IRAK4: variants seen among roughly 807,000 people sequenced by gnomAD.
The protein encoded by IRAK4 is interleukin-1 receptor-associated kinase 4.
A neutral mutation model predicts 51.8 loss-of-function variants in IRAK4; 44 were observed. The observed-to-expected ratio is 0.85, with a 90% confidence interval of 0.67 to 1.09. The LOEUF (loss-of-function observed/expected upper bound fraction) is 1.09. Ranked by LOEUF, IRAK4 falls within the 50% of genes least tolerant of loss-of-function variation. The pLI, the probability that IRAK4 is intolerant of heterozygous loss-of-function variation, is 0.00. For missense variants in IRAK4, 487 were observed against 538.0 expected, an observed-to-expected ratio of 0.91 and a Z score of 0.94; for synonymous variants, 149 against 174.1, an observed-to-expected ratio of 0.86 and a Z score of 1.13.
rs1034749271 is a variant in IRAK4, at chr12:43,787,033, G to C, written c.*318G>C. 3.1e-6 allele frequency: 1 copy of C among 321,464 alleles called. No individual in the cohort carries two copies. The highest frequency in any genetic ancestry group is 2.1e-5 in the African/African-American group (1 of 46,582). The allele number at this position is 321,464 out of a possible 1,614,324, so 19.9% of individuals were successfully genotyped here. A position where few individuals can be genotyped will look rare whatever the true frequency, so the allele number is the denominator to read the frequency against. ...GCTGTATGTAGGGTGGAAACACTCTGATCTGAAGCCCAGCTGACTCCACTA... is the reference window on the plus strand; with the variant it reads ...GCTGTATGTAGGGTGGAAACACTCTCATCTGAAGCCCAGCTGACTCCACTA... On this transcript the variant is annotated 3_prime_UTR_variant, in exon 12 of 12. Transcript: ENST00000613694.
At chr12:43,765,629 G>T (rs1284220030) in intron 1 of IRAK4, among the ~76,000 whole-genome samples, 2 of 129,660 alleles carry the variant, frequency 1.5e-5, no homozygotes, top group Admixed American at 1.5e-4. Context: ...AATACATTTT[G>T]CAAAAAAAAA....
intron 6 of IRAK4, among the ~76,000 whole-genome samples, chr12:43,775,954 T>C (rs1351694324): frequency 1.4e-5 from 2 of 147,344 alleles, no homozygotes; most frequent in African/African-American, 5.0e-5. Flanking sequence ...CGATCTTGGC[T>C]CACTGCAAGC....
chr12:43,777,778 T>C, intron 7 of IRAK4, 34 bp downstream of exon 7: 1 of 1,489,616 alleles, frequency 6.7e-7, no homozygotes, highest in Non-Finnish European at 9.4e-7. Context: ...GTTTGGCTTT[T>C]TGTTTATATG....
In IRAK4 at chr12:43,786,538, A is replaced by G; in HGVS notation, c.1328A>G (p.Lys443Arg). 6.2e-7 allele frequency: 1 copy of G among 1,613,632 alleles called. No individual in the cohort carries two copies. The highest frequency in any genetic ancestry group is 1.7e-4 in the Middle Eastern group (1 of 6,056). Residue 443 changes from lysine (K) to arginine (R), a missense_variant, in exon 11 of 12, where the codon AAG (lysine) becomes AGG (arginine). By Grantham distance (26) the Lys-to-Arg change is conservative (BLOSUM62 2). Transcript: ENST00000613694. ...CAATGTCTGCATGAAAAGAAAAATA[A>G]GAGACCAGACATTAAGAAGGTATGC... ...ASQCLHEKKNKRPDIKKVQQL... is the reference protein window; with the variant it reads ...ASQCLHEKKNRRPDIKKVQQL...
chr12:43,783,504 G>A (rs1424254505), intron 9 of IRAK4, among the ~76,000 whole-genome samples, 158 bp from the exon 10 acceptor site: 4 of 151,956 alleles, frequency 2.6e-5, no homozygotes, highest in East Asian at 1.9e-4. Context: ...AAAATTTTTT[G>A]TAGAGACAGG....
intron 8 of IRAK4, among the ~76,000 whole-genome samples, chr12:43,780,064 G>A (rs1941640747): frequency 6.6e-6 from 1 of 152,198 alleles, no homozygotes; most frequent in Non-Finnish European, 1.5e-5. Context: ...CCTGGAGAGT[G>A]TGGAGTCCCT....
chr12:43,759,810 G>C (rs1939261880), intron 1 of IRAK4, among the ~76,000 whole-genome samples: 1 of 150,326 alleles, frequency 6.7e-6, no homozygotes, highest in Non-Finnish European at 1.5e-5. Context: ...AGAGGTTGCA[G>C]TGAGCCGAGA....
rs766102187 is a variant in IRAK4, at chr12:43,786,414, G to T, written c.1204G>T (p.Glu402Ter). ...EPQLLLDIKE[E>*]IEDEEKTIED... Reference sequence around the variant, plus strand: ...CATTTTAAAGCTAGATATTAAAGAAGAAATTGAAGATGAAGAAAAGACAAT... The same window carrying T: ...CATTTTAAAGCTAGATATTAAAGAATAAATTGAAGATGAAGAAAAGACAAT... The change falls in exon 11 of 12, where the codon GAA (glutamate) becomes TAA (stop). Residue 402 changes from glutamate to a stop codon, truncating the protein, a stop_gained. Coordinates refer to ENST00000613694, the MANE Select transcript of IRAK4 (RefSeq NM_016123.4). LOFTEE classifies it high-confidence loss of function. 1 of 1,587,802 alleles carries T rather than the reference G, an allele frequency of 6.3e-7. No homozygotes were observed. Among genetic ancestry groups the T allele is most frequent in the East Asian group, 2.2e-5 (1 of 44,584 alleles).
At chr12:43,784,924 A>G (rs1050123013) in intron 10 of IRAK4, among the ~76,000 whole-genome samples, 1 of 152,210 alleles carries the variant, frequency 6.6e-6, no homozygotes, top group Non-Finnish European at 1.5e-5. Flanking sequence ...AAGAGTTTAC[A>G]TCCTACCTCT....
chr12:43,759,915 C>T (rs1262901701), intron 1 of IRAK4, among the ~76,000 whole-genome samples: 4 of 150,518 alleles, frequency 2.7e-5, no homozygotes, highest in Middle Eastern at 3.5e-3. Flanking sequence ...AGCGAGAAAG[C>T]ACTTTGAGCA....
chr12:43,769,529 G>C (rs2137914061), intron 2 of IRAK4, among the ~76,000 whole-genome samples: 1 of 152,232 alleles, frequency 6.6e-6, no homozygotes, highest in East Asian at 1.9e-4. Flanking sequence ...GTGCACGCCT[G>C]TAGTCCCAGC....
rs192250093 is a variant in IRAK4 at position 43,768,383 on chromosome 12, T to C, written c.161+111T>C. 388 of 757,554 alleles carry C rather than the reference T, an allele frequency of 5.1e-4. 3 individuals carry two copies. The highest frequency in any genetic ancestry group is 5.1e-3 in the African/African-American group (287 of 56,624). 46.9% of individuals were successfully genotyped at this position (757,554 alleles called of 1,614,324 possible). ...GTTTAGAAAGTAAACCTCTCCACTA[T>C]GGAGGAGACATTGGTAGTAGGTAAC... On this transcript the variant is annotated intron_variant, in intron 2 of 11. Coordinates refer to ENST00000613694, the MANE Select transcript of IRAK4 (RefSeq NM_016123.4).
At chr12:43,777,341 A>G (rs1456233655) in intron 6 of IRAK4, among the ~76,000 whole-genome samples, 3 of 152,194 alleles carry the variant, frequency 2.0e-5, no homozygotes, top group Non-Finnish European at 4.4e-5. Flanking sequence ...GTGAGCTATG[A>G]TTACACCACT....
chr12:43,785,670 G>A (rs188555925), intron 10 of IRAK4, among the ~76,000 whole-genome samples: 1 of 149,582 alleles, frequency 6.7e-6, no homozygotes, highest in Admixed American at 6.7e-5. Context: ...ACCCAGCCAT[G>A]TGTTGCCTAA....
At chr12:43,766,709 T>C (rs1413748772) in intron 1 of IRAK4, among the ~76,000 whole-genome samples, 2 of 152,196 alleles carry the variant, frequency 1.3e-5, no homozygotes, top group Non-Finnish European at 2.9e-5. Context: ...ATCTCTCACT[T>C]ACCACCTTTG....
intron 2 of IRAK4, among the ~76,000 whole-genome samples, chr12:43,769,845 A>G (rs935893804): frequency 2.0e-5 from 3 of 152,212 alleles, no homozygotes; most frequent in African/African-American, 4.8e-5. Flanking sequence ...CCTATGTAGT[A>G]TTTCTACCAA....
chr12:43,769,693 A>G (rs992229072), intron 2 of IRAK4, among the ~76,000 whole-genome samples: 1 of 152,180 alleles, frequency 6.6e-6, no homozygotes, highest in Admixed American at 6.5e-5. Context: ...CTTGTGAAGT[A>G]TGAAAGAGAA....
chr12:43,760,322 A>G (rs1565656447), intron 1 of IRAK4, among the ~76,000 whole-genome samples: 1 of 152,110 alleles, frequency 6.6e-6, no homozygotes, highest in Non-Finnish European at 1.5e-5. Context: ...CACCTGGCTT[A>G]TTGGTAGGCT....
chr12:43,777,528 T>A, intron 6 of IRAK4, 102 bp from the exon 7 acceptor site: 1 of 1,005,194 alleles, frequency 9.9e-7, no homozygotes, highest in Non-Finnish European at 1.4e-6. Context: ...TAACATACTA[T>A]TTTTTTGCTC....
Sources: allele counts gnomAD v4.1 joint callset (sites outside exome capture counted in the v4.1 genomes callset), GRCh38; gene constraint gnomAD v4.1.1; transcripts MANE v1.5; gene names NCBI Gene and HGNC (gene_info 2026-07-23, HGNC 2026-07-21).